Variants in SGCZ observed in about 807,000 individuals in gnomAD.
SGCZ encodes the protein sarcoglycan zeta, also known as zeta-sarcoglycan.
SGCZ carries 40 observed loss-of-function variants against 41.3 expected under a neutral mutation model. The observed-to-expected ratio is 0.97, with a 90% CI of 0.75 to 1.26. The LOEUF is 1.26. SGCZ is among the 50% of genes most tolerant of loss of function. The probability of loss-of-function intolerance (pLI) is 0.00; values close to 1 mark genes in which losing one functional copy is unlikely to be tolerated. For missense variants in SGCZ, 552 were observed against 369.8 expected, an observed-to-expected ratio of 1.49 and a Z score of -4.04; for synonymous variants, 206 against 137.5, an observed-to-expected ratio of 1.50 and a Z score of -3.49.
At chr8:15,019,888 T>A (rs1341847203) in intron 1 of SGCZ, among the ~76,000 whole-genome samples, 1 of 149,960 alleles carries the variant, frequency 6.7e-6, no homozygotes, top group Non-Finnish European at 1.5e-5. Flanking sequence ...TTTCTGGGTA[T>A]TCAAGTAGTC....
intron 1 of SGCZ, among the ~76,000 whole-genome samples, chr8:15,173,571 AAATT>A (rs1308430570): frequency 1.3e-5 from 2 of 152,226 alleles, no homozygotes; most frequent in African/African-American, 4.8e-5. Flanking sequence ...AAATATGTGT[AAATT>A]AAAGCTTTTA....
intron 5 of SGCZ, among the ~76,000 whole-genome samples, chr8:14,123,549 A>G (rs1802763075): frequency 6.6e-6 from 1 of 152,210 alleles, no homozygotes; most frequent in African/African-American, 2.4e-5. Context: ...GTTCACATCC[A>G]GAGCCATGAC....
intron 2 of SGCZ, among the ~76,000 whole-genome samples, chr8:14,532,820 C>T (rs999272905): frequency 1.3e-5 from 2 of 151,284 alleles, no homozygotes; most frequent in Non-Finnish European, 2.9e-5. Context: ...AGTCCCGACT[C>T]ACTACTAATA....
At chr8:14,175,752 A>G (rs17212259) in intron 4 of SGCZ, among the ~76,000 whole-genome samples, 47,087 of 151,986 alleles carry the variant, frequency 0.31, 8,032 homozygotes, top group East Asian at 0.7. Context: ...CTAAATACAA[A>G]TGGACTAAAC....
intron 1 of SGCZ, among the ~76,000 whole-genome samples, chr8:15,194,839 G>A (rs908931047): frequency 2.6e-5 from 4 of 152,138 alleles, no homozygotes; most frequent in African/African-American, 9.7e-5. Context: ...CTGGACTTCT[G>A]ACCTCCCAAC....
At chr8:14,492,044 A>T (rs2117031424) in intron 2 of SGCZ, among the ~76,000 whole-genome samples, 1 of 152,324 alleles carries the variant, frequency 6.6e-6, no homozygotes, top group Admixed American at 6.5e-5. Flanking sequence ...GCTGTCATTT[A>T]TGATTGAGAA....
rs1801497947 is a variant in SGCZ, at chr8:14,085,475, A to AAAAAT, written c.*4963_*4967dup. 6.6e-6 allele frequency among the ~76,000 whole-genome samples: 1 copy of AAAAAT among 151,806 alleles called. No homozygotes were observed. Among genetic ancestry groups the AAAAAT allele is most frequent in the Non-Finnish European group, 1.5e-5 (1 of 67,782 alleles). ...TGAGATACTAAGACTGAAAAAAACA[A>AAAAAT]AAAATAACTACAGTTCATTATATCT... On this transcript the variant is annotated 3_prime_UTR_variant, in exon 8 of 8. Coordinates refer to ENST00000382080, the MANE Select transcript of SGCZ (RefSeq NM_139167.4).
intron 1 of SGCZ, among the ~76,000 whole-genome samples, chr8:14,807,376 G>A (rs1801574020): frequency 6.6e-6 from 1 of 152,086 alleles, no homozygotes; most frequent in Admixed American, 6.6e-5. Context: ...AGCAACTTCA[G>A]CAAAGTCTCA....
intron 1 of SGCZ, among the ~76,000 whole-genome samples, chr8:14,749,043 T>C (rs1476205440): frequency 1.3e-5 from 2 of 152,134 alleles, no homozygotes; most frequent in African/African-American, 4.8e-5. Context: ...CTAATTTTCA[T>C]CCAATTTCTA....
intron 1 of SGCZ, among the ~76,000 whole-genome samples, chr8:15,184,185 T>A (rs1585650058): frequency 1.3e-5 from 2 of 152,366 alleles, no homozygotes; most frequent in Admixed American, 1.3e-4. Context: ...ATTGTAATTA[T>A]AAATTCTTCA....
chr8:15,206,368 A>C (rs1309330637), intron 1 of SGCZ, among the ~76,000 whole-genome samples: 4 of 151,986 alleles, frequency 2.6e-5, no homozygotes, highest in Admixed American at 2.6e-4. Flanking sequence ...GAGAGTAGTG[A>C]CTTACCCAAT....
chr8:14,629,347 TTAA>T (rs1806569220), intron 1 of SGCZ, among the ~76,000 whole-genome samples: 2 of 65,544 alleles, frequency 3.1e-5, no homozygotes, highest in Non-Finnish European at 6.9e-5. Context: ...GTAGGTAAGA[TTAA>T]TGTAAAATAC....
At chr8:14,644,705 A>C (rs2117438602) in intron 1 of SGCZ, among the ~76,000 whole-genome samples, 1 of 151,876 alleles carries the variant, frequency 6.6e-6, no homozygotes, top group South Asian at 2.1e-4. Flanking sequence ...ACCAGCCAAA[A>C]ATTAATGAAA....
chr8:14,710,252 C>T (rs1448908842), intron 1 of SGCZ, among the ~76,000 whole-genome samples: 1 of 151,778 alleles, frequency 6.6e-6, no homozygotes, highest in Non-Finnish European at 1.5e-5. Flanking sequence ...CGCCTGTAGT[C>T]CCCACTACGC....
At chr8:14,769,517 C>G (rs1390881465) in intron 1 of SGCZ, among the ~76,000 whole-genome samples, 2 of 152,148 alleles carry the variant, frequency 1.3e-5, no homozygotes, top group Non-Finnish European at 2.9e-5. Context: ...GGCAGCCAGG[C>G]GCGATGGCTC....
intron 2 of SGCZ, among the ~76,000 whole-genome samples, chr8:14,464,437 G>T (rs1800989573): frequency 6.7e-6 from 1 of 149,826 alleles, no homozygotes; most frequent in South Asian, 2.1e-4. Flanking sequence ...ACTGTAGAAT[G>T]GGTAGTACTG....
chr8:14,533,949 G>A (rs1329611933), intron 2 of SGCZ, among the ~76,000 whole-genome samples: 1 of 151,956 alleles, frequency 6.6e-6, no homozygotes, highest in Non-Finnish European at 1.5e-5. Flanking sequence ...CAAGCATAAT[G>A]AAGAAAGACA....
chr8:14,969,397 A>T (rs1801222204), intron 1 of SGCZ, among the ~76,000 whole-genome samples: 2 of 152,116 alleles, frequency 1.3e-5, no homozygotes, highest in Admixed American at 6.5e-5. Flanking sequence ...CAAACAGCAC[A>T]TATTTAAAGT....
intron 1 of SGCZ, among the ~76,000 whole-genome samples, chr8:15,220,770 C>T (rs1042419496): frequency 3.3e-5 from 5 of 152,096 alleles, no homozygotes; most frequent in Admixed American, 2.6e-4. Context: ...ACCCAAATGT[C>T]CATCAGTGAT....
Sources: allele counts gnomAD v4.1 joint callset (sites outside exome capture counted in the v4.1 genomes callset), GRCh38; gene constraint gnomAD v4.1.1; transcripts MANE v1.5; gene names NCBI Gene and HGNC (gene_info 2026-07-23, HGNC 2026-07-21).